Variants in ARHGAP6 observed in about 807,000 individuals in gnomAD.
ARHGAP6 encodes the protein rho GTPase-activating protein 6.
A neutral mutation model predicts 55.7 loss-of-function variants in ARHGAP6; 16 were observed. That is an observed-to-expected ratio of 0.29 (90% CI 0.19 to 0.44). ARHGAP6 has a LOEUF of 0.44. Among genes scored for constraint, ARHGAP6 ranks in the 20% least tolerant of loss-of-function variants. ARHGAP6 has a pLI of 1.00. For synonymous variants in ARHGAP6, 382 were observed against 360.9 expected, an observed-to-expected ratio of 1.06 and a Z score of -0.66; for missense variants, 698 against 808.9, an observed-to-expected ratio of 0.86 and a Z score of 1.66.
At chrX:11,150,414 A>T (rs189858033) in intron 10 of ARHGAP6, among the ~76,000 whole-genome samples, 70 of 103,117 alleles carry the variant, frequency 6.8e-4, no homozygotes, top group Non-Finnish European at 1.2e-3. Context: ...CTCTATATAC[A>T]TGGTTTTGTG....
intron 8 of ARHGAP6, among the ~76,000 whole-genome samples, chrX:11,174,569 C>CT (rs1569241149): frequency 1.2e-4 from 7 of 59,148 alleles, no homozygotes; most frequent in South Asian, 8.0e-4. Flanking sequence ...TTCCTTCCTT[C>CT]CTTCCTTTCT....
intron 1 of ARHGAP6, among the ~76,000 whole-genome samples, chrX:11,372,985 T>A (rs1403509666): frequency 9.2e-6 from 1 of 109,106 alleles, no homozygotes; most frequent in Non-Finnish European, 1.9e-5. Flanking sequence ...CATATGTAAA[T>A]ATTGAAATAA....
At chrX:11,177,114 A>G (rs922310589) in intron 8 of ARHGAP6, among the ~76,000 whole-genome samples, 6 of 111,665 alleles carry the variant, frequency 5.4e-5, no homozygotes, top group Non-Finnish European at 1.1e-4. Context: ...TTATTGATTT[A>G]CAGTGCATGT....
At chrX:11,593,677 A>G (rs2051866975) in intron 1 of ARHGAP6, among the ~76,000 whole-genome samples, 1 of 111,988 alleles carries the variant, frequency 8.9e-6, no homozygotes, top group Non-Finnish European at 1.9e-5. Flanking sequence ...AAGCTGTTGC[A>G]GTGGGTGGAC....
intron 1 of ARHGAP6, among the ~76,000 whole-genome samples, chrX:11,388,321 T>G (rs1442083152): frequency 7.6e-4 from 85 of 112,198 alleles, no homozygotes; most frequent in African/African-American, 1.9e-3. Flanking sequence ...TGAGCATTTT[T>G]TCATGTGTCT....
intron 4 of ARHGAP6, among the ~76,000 whole-genome samples, chrX:11,187,050 A>T (rs764357900): frequency 1.8e-5 from 2 of 111,345 alleles, no homozygotes; most frequent in Non-Finnish European, 3.8e-5. Context: ...TCTAGGAGAC[A>T]GCTGTAGATC....
intron 1 of ARHGAP6, among the ~76,000 whole-genome samples, chrX:11,462,754 CTA>C (rs1477535683): frequency 8.9e-6 from 1 of 112,342 alleles, no homozygotes; most frequent in Non-Finnish European, 1.9e-5. Flanking sequence ...GGTAAGGATT[CTA>C]TGATGCATTT....
At chrX:11,168,550 A>G (rs894292367) in intron 9 of ARHGAP6, among the ~76,000 whole-genome samples, 6 of 112,144 alleles carry the variant, frequency 5.4e-5, no homozygotes, top group African/African-American at 1.9e-4. Context: ...ATGGACATAA[A>G]TCTAATGCAA....
intron 1 of ARHGAP6, among the ~76,000 whole-genome samples, chrX:11,566,642 A>G (rs1320016530): frequency 2.7e-5 from 3 of 112,359 alleles, no homozygotes; most frequent in Non-Finnish European, 5.6e-5. Context: ...TAAATGAAAT[A>G]TATGTAAAAG....
intron 1 of ARHGAP6, among the ~76,000 whole-genome samples, chrX:11,539,799 G>A (rs964474833): frequency 3.6e-5 from 4 of 111,771 alleles, no homozygotes; most frequent in African/African-American, 9.8e-5. Context: ...CCTCCAAATC[G>A]CCAGCCATTA....
rs2052750671 is a variant in ARHGAP6, at chrX:11,665,686, T to A, written c.-858A>T. On this transcript the variant is annotated 5_prime_UTR_variant, in exon 1 of 13. Coordinates refer to ENST00000337414, the MANE Select transcript of ARHGAP6 (RefSeq NM_013427.3). ...TGTGTTCCGCCGGAGAGGAACACGCTATTCGCAGCCCAGCCTTGGGCCCAG... is the reference window on the plus strand; with the variant it reads ...TGTGTTCCGCCGGAGAGGAACACGCAATTCGCAGCCCAGCCTTGGGCCCAG... 1 of 112,829 alleles carries A rather than the reference T, an allele frequency of 8.9e-6. No individual in the cohort carries two copies. The highest frequency in any genetic ancestry group is 3.2e-5 in the African/African-American group (1 of 31,086). The allele number at this position is 112,829 out of a possible 1,213,427, so 9.3% of individuals were successfully genotyped here.
intron 1 of ARHGAP6, among the ~76,000 whole-genome samples, chrX:11,406,302 C>T (rs891661623): frequency 1.4e-4 from 16 of 111,193 alleles, no homozygotes; most frequent in African/African-American, 4.9e-4. Context: ...ATTGCTGATC[C>T]CCTGGCAACA....
intron 1 of ARHGAP6, among the ~76,000 whole-genome samples, chrX:11,362,096 G>T (rs1246209993): frequency 1.8e-5 from 2 of 111,964 alleles, no homozygotes; most frequent in East Asian, 2.8e-4. Flanking sequence ...AGTCAGTGTG[G>T]CGATTCCTCA....
intron 1 of ARHGAP6, among the ~76,000 whole-genome samples, chrX:11,565,781 C>T (rs922815557): frequency 2.7e-5 from 3 of 112,163 alleles, no homozygotes; most frequent in South Asian, 3.7e-4. Context: ...TCCTTGCCAG[C>T]GCAGAATGGC....
intron 1 of ARHGAP6, among the ~76,000 whole-genome samples, chrX:11,472,254 A>C (rs983831886): frequency 9.0e-6 from 1 of 111,601 alleles, no homozygotes; most frequent in Non-Finnish European, 1.9e-5. Flanking sequence ...AGAACAAAAA[A>C]ATCTCCAGAT....
At chrX:11,272,478 C>T (rs760145485) in intron 1 of ARHGAP6, among the ~76,000 whole-genome samples, 12 of 109,988 alleles carry the variant, frequency 1.1e-4, no homozygotes, top group Non-Finnish European at 2.3e-4. Flanking sequence ...TGCTTCCCTC[C>T]CTCCTGCCTC....
At chrX:11,361,057 C>T (rs1347646280) in intron 1 of ARHGAP6, among the ~76,000 whole-genome samples, 50 of 109,951 alleles carry the variant, frequency 4.5e-4, no homozygotes, top group Non-Finnish European at 3.2e-4. Flanking sequence ...AGAATCAATA[C>T]CGTGAAAATG....
At chrX:11,191,373 CCA>C (rs2046459090) in intron 3 of ARHGAP6, among the ~76,000 whole-genome samples, 1 of 111,764 alleles carries the variant, frequency 8.9e-6, no homozygotes, top group Admixed American at 9.5e-5. Context: ...AGGAAAGCAG[CCA>C]CAGACAGTAA....
intron 1 of ARHGAP6, among the ~76,000 whole-genome samples, chrX:11,554,205 TA>T (rs1330338032): frequency 1.8e-5 from 2 of 111,641 alleles, no homozygotes; most frequent in African/African-American, 6.5e-5. Flanking sequence ...GAAAGAGAAA[TA>T]CCACATGTTC....
Sources: gnomAD v4.1 joint callset for allele counts (sites outside exome capture counted in the v4.1 genomes callset) on GRCh38, gnomAD v4.1.1 for gene constraint, MANE v1.5 for transcripts, NCBI Gene and HGNC (gene_info 2026-07-23, HGNC 2026-07-21) for gene names.